The following RNF152 variants were observed in gnomAD, a reference collection of about 807,000 sequenced individuals.
The protein encoded by RNF152 is E3 ubiquitin-protein ligase RNF152.
RNF152 carries 11 observed loss-of-function variants against 12.7 expected under a neutral mutation model. That is an observed-to-expected ratio of 0.86 (90% confidence interval 0.54 to 1.43). The LOEUF (loss-of-function observed/expected upper bound fraction) is 1.43. Ranked by LOEUF, RNF152 falls within the 40% of genes most tolerant of loss-of-function variation. The pLI is 0.00. For synonymous variants in RNF152, 113 were observed against 120.3 expected (o/e 0.94, Z 0.40); for missense variants, 255 against 274.8 (o/e 0.93, Z 0.51).
chr18:61,870,698 A>G (rs531080276), intron 1 of RNF152, among the ~76,000 whole-genome samples: 2 of 152,268 alleles, frequency 1.3e-5, no homozygotes, highest in African/African-American at 2.4e-5. Flanking sequence ...TTTTCCTACT[A>G]TGGTTTATGG....
At chr18:61,857,922 C>T (rs963876004) in intron 1 of RNF152, among the ~76,000 whole-genome samples, 1 of 152,148 alleles carries the variant, frequency 6.6e-6, no homozygotes, top group African/African-American at 2.4e-5. Flanking sequence ...AAAACAATAA[C>T]AACAGGAGCA....
chr18:61,873,989 T>C (rs934977983), intron 1 of RNF152, among the ~76,000 whole-genome samples: 2 of 152,236 alleles, frequency 1.3e-5, no homozygotes, highest in Non-Finnish European at 2.9e-5. Flanking sequence ...ATTTTCCTAA[T>C]CTATCTTAAT....
chr18:61,859,427 C>T (rs942792766), intron 1 of RNF152, among the ~76,000 whole-genome samples: 1 of 152,124 alleles, frequency 6.6e-6, no homozygotes, highest in Non-Finnish European at 1.5e-5. Flanking sequence ...AATTGCAAGG[C>T]TAAGGGTTCC....
At chr18:61,879,787 A>C (rs1358197941) in intron 1 of RNF152, among the ~76,000 whole-genome samples, 1 of 151,972 alleles carries the variant, frequency 6.6e-6, no homozygotes, top group Non-Finnish European at 1.5e-5. Context: ...AACACGGAGA[A>C]ACCCCATCTC....
intron 1 of RNF152, among the ~76,000 whole-genome samples, chr18:61,867,081 G>T (rs560553668): frequency 1.1e-4 from 16 of 152,288 alleles, no homozygotes; most frequent in African/African-American, 3.8e-4. Context: ...ATGCTCGCCA[G>T]CTGAAGTAGG....
At chr18:61,832,115 T>A (rs1467061173) in intron 1 of RNF152, among the ~76,000 whole-genome samples, 3 of 152,140 alleles carry the variant, frequency 2.0e-5, no homozygotes, top group Non-Finnish European at 4.4e-5. Context: ...AGTCAAACAT[T>A]CAAGTCACAT....
rs527380422 is a variant in RNF152 at position 61,857,081 on chromosome 18, G to C, written c.-136+35714C>G. Among the ~76,000 whole-genome samples the C allele has an allele frequency of 9.6e-4, 146 of 152,250 alleles. 1 individual carries two copies. In the Middle Eastern group the frequency reaches 0.017, roughly 18 times the overall value. ...CTAGAGTGAATATAATTAAAATACA[G>C]GCAGGGGAACAGGCATAAAAGACAC... On this transcript the variant is annotated intron_variant, in intron 1 of 1. Transcript: ENST00000312828.
intron 1 of RNF152, among the ~76,000 whole-genome samples, chr18:61,831,577 A>C (rs1279450136): frequency 1.3e-5 from 2 of 152,168 alleles, no homozygotes; most frequent in African/African-American, 4.8e-5. Context: ...TCATACTTTT[A>C]TATCCAAGAC....
At chr18:61,878,986 G>A (rs755279674) in intron 1 of RNF152, among the ~76,000 whole-genome samples, 3 of 152,200 alleles carry the variant, frequency 2.0e-5, no homozygotes, top group Non-Finnish European at 2.9e-5. Flanking sequence ...GGGTAAGTGG[G>A]ATTAGAAAGA....
intron 1 of RNF152, among the ~76,000 whole-genome samples, chr18:61,883,411 C>G (rs1912553555): frequency 6.6e-6 from 1 of 152,018 alleles, no homozygotes; most frequent in Non-Finnish European, 1.5e-5. Context: ...TATCCCATTC[C>G]AAAAAGCAGA....
chr18:61,847,828 C>A (rs567595610), intron 1 of RNF152, among the ~76,000 whole-genome samples: 1 of 152,228 alleles, frequency 6.6e-6, no homozygotes, highest in Non-Finnish European at 1.5e-5. Context: ...CTTCCCTCTG[C>A]TTGGAATCTC....
chr18:61,814,323 C>T lies in RNF152; in HGVS notation c.*1529G>A, dbSNP rs1012493791. The T allele has an allele frequency of 2.0e-5, 3 of 152,180 alleles. No homozygotes were observed. Among genetic ancestry groups the T allele is most frequent in the Non-Finnish European group, 2.9e-5 (2 of 68,036 alleles). The allele number at this position is 152,180 out of a possible 1,614,324, so 9.4% of individuals were successfully genotyped here. A position where few individuals can be genotyped will look rare whatever the true frequency, so the allele number is the denominator to read the frequency against. On this transcript the variant is annotated 3_prime_UTR_variant, in exon 2 of 2. Transcript: ENST00000312828. ...CTTTCCTTCACTTCCCCCCACCCTCCTCACCATTTTCAGGGATTCAGTGGA... is the reference window on the plus strand; with the variant it reads ...CTTTCCTTCACTTCCCCCCACCCTCTTCACCATTTTCAGGGATTCAGTGGA...
chr18:61,863,432 TCA>T (rs1491293663), intron 1 of RNF152, among the ~76,000 whole-genome samples: 1 of 75,648 alleles, frequency 1.3e-5, no homozygotes, highest in Non-Finnish European at 2.4e-5. Context: ...AGACTCCGTC[TCA>T]AAAAAAAAAA....
intron 1 of RNF152, among the ~76,000 whole-genome samples, chr18:61,876,001 T>A (rs906610354): frequency 3.3e-5 from 5 of 151,884 alleles, no homozygotes; most frequent in African/African-American, 1.2e-4. Context: ...AATCCCTAAG[T>A]CCCCCTCCCA....
At chr18:61,832,949 T>G (rs1254168672) in intron 1 of RNF152, among the ~76,000 whole-genome samples, 3 of 152,204 alleles carry the variant, frequency 2.0e-5, no homozygotes, top group Non-Finnish European at 4.4e-5. Flanking sequence ...TAAGTACCTA[T>G]AACATGGAAA....
chr18:61,887,701 CAAAAAAA>C (rs34170984), intron 1 of RNF152, among the ~76,000 whole-genome samples: 1 of 105,954 alleles, frequency 9.4e-6, no homozygotes. Flanking sequence ...GACTCCATCT[CAAAAAAA>C]AAAAAAAAAA....
At chr18:61,886,582 G>T (rs540529199) in intron 1 of RNF152, among the ~76,000 whole-genome samples, 8 of 152,298 alleles carry the variant, frequency 5.3e-5, no homozygotes, top group South Asian at 2.1e-4. Flanking sequence ...CCAGCCACAG[G>T]CCCCCTTGGA....
intron 1 of RNF152, among the ~76,000 whole-genome samples, chr18:61,839,356 G>A (rs963480516): frequency 1.3e-5 from 2 of 152,028 alleles, no homozygotes; most frequent in African/African-American, 2.4e-5. Context: ...CTTTCATAAC[G>A]TTCACAGTTT....
chr18:61,831,173 C>T (rs1909923654), intron 1 of RNF152, among the ~76,000 whole-genome samples: 2 of 152,204 alleles, frequency 1.3e-5, no homozygotes, highest in South Asian at 4.1e-4. Context: ...CAGCTAAGTA[C>T]TTAGAAGCGG....
Sources: allele counts gnomAD v4.1 joint callset (sites outside exome capture counted in the v4.1 genomes callset), GRCh38; gene constraint gnomAD v4.1.1; transcripts MANE v1.5; gene names NCBI Gene and HGNC (gene_info 2026-07-23, HGNC 2026-07-21).